The following RASGRF1 variants were observed in gnomAD, a reference collection of about 807,000 sequenced individuals.
RASGRF1 encodes the protein Ras protein specific guanine nucleotide releasing factor 1, also known as ras-specific guanine nucleotide-releasing factor 1.
Under a neutral mutation model 138.7 loss-of-function variants are expected in RASGRF1, and 40 were observed. The ratio of observed to expected loss-of-function variants is 0.29; its 90% CI spans 0.22 to 0.38. RASGRF1 has a LOEUF of 0.38. Among genes scored for constraint, RASGRF1 ranks in the 10% least tolerant of loss-of-function variants. The pLI is 1.00. For synonymous variants in RASGRF1, 614 were observed against 663.2 expected (o/e 0.93, Z 1.14); for missense variants, 1,108 against 1,650.4 (o/e 0.67, Z 5.69).
At chr15:79,047,538 A>G (rs2057371263) in intron 4 of RASGRF1, among the ~76,000 whole-genome samples, 1 of 152,206 alleles carries the variant, frequency 6.6e-6, no homozygotes, top group Non-Finnish European at 1.5e-5. Flanking sequence ...GTGATTATCA[A>G]ATTGAACGGA....
intron 8 of RASGRF1, among the ~76,000 whole-genome samples, chr15:79,029,756 A>G (rs2057111535): frequency 6.6e-6 from 1 of 152,116 alleles, no homozygotes; most frequent in African/African-American, 2.4e-5. Context: ...TCATGGTGAT[A>G]GGAAAACCTT....
intron 1 of RASGRF1, among the ~76,000 whole-genome samples, chr15:79,087,344 C>T: frequency 6.6e-6 from 1 of 152,242 alleles, no homozygotes; most frequent in Non-Finnish European, 1.5e-5. Flanking sequence ...TCCTGTGCAT[C>T]TACTATGTGC....
At chr15:79,072,857 C>T (rs2057780972) in intron 1 of RASGRF1, among the ~76,000 whole-genome samples, 1 of 152,156 alleles carries the variant, frequency 6.6e-6, no homozygotes, top group Admixed American at 6.5e-5. Flanking sequence ...CTTGGACATC[C>T]CCAGAATGAT....
At chr15:78,963,440 C>T (rs1333168243) in intron 26 of RASGRF1, among the ~76,000 whole-genome samples, 2 of 151,984 alleles carry the variant, frequency 1.3e-5, no homozygotes, top group Non-Finnish European at 2.9e-5. Flanking sequence ...TAGTTGGGAT[C>T]CCAGGCATGC....
chr15:79,021,792 CA>C (rs776730121), intron 10 of RASGRF1, among the ~76,000 whole-genome samples: 3 of 152,198 alleles, frequency 2.0e-5, no homozygotes, highest in Non-Finnish European at 4.4e-5. Flanking sequence ...GTATCCGTCT[CA>C]GTGGGCTGTT....
chr15:79,016,112 G>A lies in RASGRF1; in HGVS notation c.1744-703C>T, dbSNP rs546020876. Among the ~76,000 whole-genome samples, 19 of 152,304 alleles carry A rather than the reference G, an allele frequency of 1.2e-4. No homozygotes were observed. In the South Asian group the frequency reaches 3.9e-3, roughly 32 times the overall value. On this transcript the variant is annotated intron_variant, in intron 12 of 26. Coordinates refer to ENST00000558480, the MANE Select transcript of RASGRF1 (RefSeq NM_001145648.3). ...GGAGCTGCCTCTTTTCCCCTGCACT[G>A]TCCCCTGCCCTGGGTCTTCACATTT...
At chr15:79,061,319 A>G (rs1567598713) in intron 2 of RASGRF1, among the ~76,000 whole-genome samples, 1 of 151,236 alleles carries the variant, frequency 6.6e-6, no homozygotes, top group Non-Finnish European at 1.5e-5. Context: ...TCTGACCCAA[A>G]GAACAGGGAG....
rs2056275756 is a variant in RASGRF1 at position 78,991,879 on chromosome 15, C to T, written c.3028-85G>A. 5.5e-6 allele frequency: 6 copies of T among 1,090,450 alleles called. No individual in the cohort carries two copies. The African/African-American group carries it at 7.7e-5, about 14-fold the overall frequency. 67.5% of individuals were successfully genotyped at this position (1,090,450 alleles called of 1,614,324 possible). On this transcript the variant is annotated intron_variant, in intron 20 of 26. Coordinates refer to ENST00000558480, the MANE Select transcript of RASGRF1 (RefSeq NM_001145648.3). ...TTCCCAGCTGCCTCTGTGGGGGTAT[C>T]TCGCCCTCGAATTGGGTGGGCGGGT...
chr15:79,058,418 G>C lies in RASGRF1; in HGVS notation c.447C>G (p.Ile149Met). 1 of 1,614,160 alleles carries C rather than the reference G, an allele frequency of 6.2e-7. No homozygotes were observed. Among genetic ancestry groups the C allele is most frequent in the Non-Finnish European group, 8.5e-7 (1 of 1,180,032 alleles). Residue 149 changes from isoleucine (I) to methionine (M), a missense_variant, in exon 3 of 27, where the codon ATC becomes ATG. Physicochemically the swap from Ile to Met is conservative, Grantham distance 10. Transcript: ENST00000558480. ...TGGCCACGGTCTTCTCTGTCTCCAC[G>C]ATCTGCAGCAGGTGCAGGTATTTCT... ...LMQKYLHLLQ[I>M]VETEKTVAKQ...
chr15:78,979,812 C>T (rs1280815176), intron 24 of RASGRF1, among the ~76,000 whole-genome samples: 1 of 152,260 alleles, frequency 6.6e-6, no homozygotes, highest in Non-Finnish European at 1.5e-5. Flanking sequence ...GGACCAGACA[C>T]TAGCTCTTCA....
Position 78,964,236 on chromosome 15 carries a change from G to A in RASGRF1, c.3682-2000C>T, listed in dbSNP as rs191646823. On this transcript the variant is annotated intron_variant, in intron 26 of 26. Transcript: ENST00000558480. Reference sequence around the variant, plus strand: ...GTCACCCAGGCTGGAGTACAGTGGCGCCATCTTGGCTCACTGCAACCTCCG... The same window carrying A: ...GTCACCCAGGCTGGAGTACAGTGGCACCATCTTGGCTCACTGCAACCTCCG... Among the ~76,000 whole-genome samples the A allele has an allele frequency of 1.3e-4, 19 of 151,864 alleles. No individual in the cohort carries two copies. In the East Asian group the frequency reaches 2.9e-3, roughly 23 times the overall value.
At chr15:79,065,141 A>T (rs1477363287) in intron 1 of RASGRF1, among the ~76,000 whole-genome samples, 1 of 152,196 alleles carries the variant, frequency 6.6e-6, no homozygotes, top group African/African-American at 2.4e-5. Context: ...TAAAGCTCCT[A>T]GAAGAATGCT....
chr15:79,071,945 A>G (rs2057761786), intron 1 of RASGRF1, among the ~76,000 whole-genome samples: 1 of 152,226 alleles, frequency 6.6e-6, no homozygotes, highest in African/African-American at 2.4e-5. Flanking sequence ...CTGAACACAT[A>G]TCTTCTGGCC....
At chr15:79,024,824 T>C (rs935714377) in intron 10 of RASGRF1, among the ~76,000 whole-genome samples, 5 of 151,542 alleles carry the variant, frequency 3.3e-5, no homozygotes, top group Non-Finnish European at 7.4e-5. Flanking sequence ...CATAGCAGTA[T>C]GAAAATGGAC....
chr15:79,052,786 G>A (rs770338029), intron 3 of RASGRF1, among the ~76,000 whole-genome samples: 5 of 152,186 alleles, frequency 3.3e-5, no homozygotes, highest in African/African-American at 4.8e-5. Context: ...AGAGTGTTGT[G>A]TGCCAGGGCA....
rs1027559449 is a variant in RASGRF1, at chr15:78,975,677, A to C, written c.3495-2257T>G. Among the ~76,000 whole-genome samples the C allele has an allele frequency of 2.0e-5, 3 of 151,938 alleles. No homozygotes were observed. The East Asian group carries it at 5.8e-4, about 29-fold the overall frequency. On this transcript the variant is annotated intron_variant, in intron 24 of 26. Coordinates refer to ENST00000558480, the MANE Select transcript of RASGRF1 (RefSeq NM_001145648.3). ...ATGCATGCACCACCATACCCAGCGA[A>C]TTTTTGTATTTTTGGTAGGGACAGA...
intron 23 of RASGRF1, among the ~76,000 whole-genome samples, chr15:78,981,832 T>C (rs1019082128): frequency 6.6e-5 from 10 of 152,238 alleles, no homozygotes; most frequent in African/African-American, 7.2e-5. Context: ...TCAAGGCAGA[T>C]GATTCTGCTT....
intron 26 of RASGRF1, among the ~76,000 whole-genome samples, chr15:78,970,732 C>T (rs1356662354): frequency 6.6e-6 from 1 of 151,250 alleles, no homozygotes; most frequent in Non-Finnish European, 1.5e-5. Flanking sequence ...TAAAATGGGG[C>T]CTACAGTACA....
chr15:79,003,681 C>T, intron 15 of RASGRF1, 121 bp downstream of exon 15: 1 of 1,442,338 alleles, frequency 6.9e-7, no homozygotes, highest in Non-Finnish European at 9.2e-7. Flanking sequence ...GTGGGACCCC[C>T]AAGCCTCTCC....
Sources: allele counts gnomAD v4.1 joint callset (sites outside exome capture counted in the v4.1 genomes callset), GRCh38; gene constraint gnomAD v4.1.1; transcripts MANE v1.5; gene names NCBI Gene and HGNC (gene_info 2026-07-23, HGNC 2026-07-21).